The following CBX1 variants were observed in gnomAD, a reference collection of about 807,000 sequenced individuals.
CBX1 encodes the protein chromobox protein homolog 1.
Under a neutral mutation model 25.1 loss-of-function variants are expected in CBX1, and 10 were observed. That is an observed-to-expected ratio of 0.40 (90% confidence interval 0.25 to 0.68). The LOEUF (loss-of-function observed/expected upper bound fraction) is 0.68. CBX1 is among the 30% of genes least tolerant of loss of function. The probability of loss-of-function intolerance (pLI) is 0.40; values close to 1 mark genes in which losing one functional copy is unlikely to be tolerated. For missense variants in CBX1, 106 were observed against 218.5 expected, an observed-to-expected ratio of 0.49 and a Z score of 3.25; for synonymous variants, 63 against 79.4, an observed-to-expected ratio of 0.79 and a Z score of 1.10.
At chr17:48,097,415 C>G (rs6504032) in intron 1 of CBX1, among the ~76,000 whole-genome samples, 110,447 of 151,780 alleles carry the variant, frequency 0.73, 40,899 homozygotes, top group Admixed American at 0.82. Context: ...AGGAGTTCAA[C>G]ACCAGCCTGG....
At chr17:48,077,448 TTTTTTG>T (rs1567764390) in intron 1 of CBX1, among the ~76,000 whole-genome samples, 14 of 72,076 alleles carry the variant, frequency 1.9e-4, no homozygotes, top group African/African-American at 4.4e-4. Context: ...TTTTTTTGTT[TTTTTTG>T]TTTTTTTTTT....
chr17:48,091,682 C>T (rs58551781), intron 1 of CBX1, among the ~76,000 whole-genome samples: 1 of 152,006 alleles, frequency 6.6e-6, no homozygotes, highest in East Asian at 1.9e-4. Context: ...GCTGGAATTA[C>T]AAGCACGCGC....
At chr17:48,093,080 AAAAAAAAAAG>A (rs1365891418) in intron 1 of CBX1, among the ~76,000 whole-genome samples, 27 of 98,356 alleles carry the variant, frequency 2.7e-4, no homozygotes, top group Middle Eastern at 4.1e-3. Context: ...CAAAAAAAAA[AAAAAAAAAAG>A]AAAAGAAAAG....
At chr17:48,086,329 A>C (rs553468589) in intron 1 of CBX1, among the ~76,000 whole-genome samples, 1 of 152,326 alleles carries the variant, frequency 6.6e-6, no homozygotes, top group Non-Finnish European at 1.5e-5. Context: ...TTTGGTTTGA[A>C]ATAGTTTGTA....
intron 1 of CBX1, among the ~76,000 whole-genome samples, chr17:48,098,427 T>G (rs577611815): frequency 5.9e-5 from 9 of 152,314 alleles, no homozygotes; most frequent in Admixed American, 5.9e-4. Context: ...CTATTCATCA[T>G]TCATTCATCA....
chr17:48,094,109 T>G (rs1340431582), intron 1 of CBX1, among the ~76,000 whole-genome samples: 1 of 82,590 alleles, frequency 1.2e-5, no homozygotes, highest in East Asian at 3.4e-4. Context: ...AGTGAAACTC[T>G]GTCTCAAAAA....
chr17:48,101,069 T>C, intron 1 of CBX1, 199 bp downstream of exon 1: 1 of 986,016 alleles, frequency 1.0e-6, no homozygotes, highest in Non-Finnish European at 1.2e-6. Flanking sequence ...GCCCTCTCCA[T>C]CCTTCACGCA....
chr17:48,087,377 G>C (rs1011889232), intron 1 of CBX1, among the ~76,000 whole-genome samples: 1 of 148,328 alleles, frequency 6.7e-6, no homozygotes, highest in Non-Finnish European at 1.5e-5. Flanking sequence ...AGTTGAGATC[G>C]GCCTGGCCAA....
At chr17:48,077,445 G>GTTTTTTTTTTTT (rs796350669) in intron 1 of CBX1, among the ~76,000 whole-genome samples, 71 of 52,340 alleles carry the variant, frequency 1.4e-3, no homozygotes, top group East Asian at 0.01. Context: ...TTTTTTTTTT[G>GTTTTTTTTTTTT]TTTTTTTTGT....
At chr17:48,091,535 C>CTTT (rs4053473) in intron 1 of CBX1, among the ~76,000 whole-genome samples, 1,214 of 72,172 alleles carry the variant, frequency 0.017, 60 homozygotes, top group African/African-American at 0.056. Flanking sequence ...CCACCATGCC[C>CTTT]TTTTTTTTTT....
intron 1 of CBX1, among the ~76,000 whole-genome samples, chr17:48,093,085 A>G (rs1370615893): frequency 8.5e-5 from 8 of 93,864 alleles, no homozygotes; most frequent in South Asian, 3.2e-4. Flanking sequence ...AAAAAAAAAA[A>G]AAAAGAAAAG....
chr17:48,080,949 A>AAAAAAAAAT (rs2037728574), intron 1 of CBX1, among the ~76,000 whole-genome samples: 1 of 23,654 alleles, frequency 4.2e-5, no homozygotes. Context: ...AAAAAAAAAA[A>AAAAAAAAAT]AAATATATAT....
At chr17:48,084,181 G>C (rs1434616301) in intron 1 of CBX1, among the ~76,000 whole-genome samples, 4 of 106,744 alleles carry the variant, frequency 3.7e-5, no homozygotes, top group Non-Finnish European at 3.8e-5. Flanking sequence ...TTCCTATGTT[G>C]TTCAGGCTTC....
intron 4 of CBX1, among the ~76,000 whole-genome samples, chr17:48,073,343 G>C (rs1394828755): frequency 6.6e-6 from 1 of 152,084 alleles, no homozygotes; most frequent in Non-Finnish European, 1.5e-5. Context: ...GAGAATGGGA[G>C]GGAAATGGGA....
intron 3 of CBX1, among the ~76,000 whole-genome samples, chr17:48,075,581 T>C (rs551177556): frequency 6.6e-6 from 1 of 152,304 alleles, no homozygotes; most frequent in African/African-American, 2.4e-5. Context: ...TATTCATCAA[T>C]GTCTGAAGCG....
At chr17:48,078,037 T>G (rs542817196) in intron 1 of CBX1, among the ~76,000 whole-genome samples, 1 of 151,786 alleles carries the variant, frequency 6.6e-6, no homozygotes, top group African/African-American at 2.4e-5. Flanking sequence ...CGCACGACTG[T>G]ACTCCAGCCT....
In CBX1 at chr17:48,071,554, C is replaced by G; in HGVS notation, c.439G>C (p.Val147Leu). 1 of 1,610,206 alleles carries G rather than the reference C, an allele frequency of 6.2e-7. No homozygotes were observed. Among genetic ancestry groups the G allele is most frequent in the Non-Finnish European group, 8.5e-7 (1 of 1,178,450 alleles). Reference sequence around the variant, plus strand: ...TTGACATTGGCTTCCTTGGCAGGGACCAGGTCAGCCTCATCAGAGTTTTTC... The same window carrying G: ...TTGACATTGGCTTCCTTGGCAGGGAGCAGGTCAGCCTCATCAGAGTTTTTC... Reference protein sequence around the residue: ...KWKNSDEADLVPAKEANVKCP... With the variant: ...KWKNSDEADLLPAKEANVKCP... Residue 147 changes from valine to leucine, a missense_variant, in exon 5 of 5, where the codon GTC becomes CTC. This residue lies in a region of CBX1 where 71 missense variants were observed against 144.1 expected (regional missense o/e 0.49). Transcript: ENST00000225603.
At position 48,101,005 on chromosome 17, in the gene CBX1, C is replaced by T; in HGVS notation, c.-38+263G>A. On this transcript the variant is annotated intron_variant, in intron 1 of 4. Transcript: ENST00000225603. ...CACCCGGGCCCCGAAGAGCGGCCCC[C>T]AAGTGCTCGGCCCACCCCCAAGCAC... 6 of 986,034 alleles carry T rather than the reference C, an allele frequency of 6.1e-6. No individual in the cohort carries two copies. The South Asian group carries it at 1.9e-4, about 31-fold the overall frequency. The allele number at this position is 986,034 out of a possible 1,614,324, so 61.1% of individuals were successfully genotyped here. A position where few individuals can be genotyped will look rare whatever the true frequency, so the allele number is the denominator to read the frequency against.
chr17:48,097,851 A>G (rs894110602), intron 1 of CBX1, among the ~76,000 whole-genome samples: 2 of 152,138 alleles, frequency 1.3e-5, no homozygotes, highest in Admixed American at 6.6e-5. Flanking sequence ...AGGCTATTCA[A>G]TTTTTCAACA....
Sources: allele counts gnomAD v4.1 joint callset (sites outside exome capture counted in the v4.1 genomes callset), GRCh38; gene constraint gnomAD v4.1.1; regional missense constraint gnomAD v4.1.1; transcripts MANE v1.5; gene names NCBI Gene and HGNC (gene_info 2026-07-23, HGNC 2026-07-21).